The following TRPM7 variants were observed in gnomAD, a reference collection of about 807,000 sequenced individuals.
TRPM7 encodes LTRPC ion channel family member 7.
A neutral mutation model predicts 229.7 loss-of-function variants in TRPM7; 134 were observed. The ratio of observed to expected loss-of-function variants is 0.58; its 90% CI spans 0.51 to 0.67. The LOEUF (loss-of-function observed/expected upper bound fraction) is 0.67. TRPM7 is among the 30% of genes least tolerant of loss of function. TRPM7 has a pLI of 0.00. For missense variants in TRPM7, 1,901 were observed against 2,210.0 expected, an observed-to-expected ratio of 0.86 and a Z score of 2.80; for synonymous variants, 699 against 715.2, an observed-to-expected ratio of 0.98 and a Z score of 0.36.
At position 50,635,255 on chromosome 15, in the gene TRPM7, T is replaced by C. The variant is rs148687414; in HGVS notation, c.833-699A>G. On this transcript the variant is annotated intron_variant, in intron 7 of 38. Coordinates refer to ENST00000646667, the MANE Select transcript of TRPM7 (RefSeq NM_017672.6). ...ATCACCTGAACCCAGGAGGCAGAGGTTGCAGTGAGCCAAGATCATGCCACT... is the reference window on the plus strand; with the variant it reads ...ATCACCTGAACCCAGGAGGCAGAGGCTGCAGTGAGCCAAGATCATGCCACT... 3.0e-3 allele frequency among the ~76,000 whole-genome samples: 403 copies of C among 135,208 alleles called. 2 individuals carry two copies. The highest frequency in any genetic ancestry group is 0.011 in the African/African-American group (390 of 35,380). 88.7% of individuals were successfully genotyped at this position (135,208 alleles called of 152,430 possible).
chr15:50,559,769 G>C lies in TRPM7; in HGVS notation c.*1909C>G, dbSNP rs1410660493. 1 of 151,918 alleles carries C rather than the reference G, an allele frequency of 6.6e-6. No homozygotes were observed. The highest frequency in any genetic ancestry group is 2.4e-5 in the African/African-American group (1 of 41,366). The allele number at this position is 151,918 out of a possible 1,614,324, so 9.4% of individuals were successfully genotyped here. A position where few individuals can be genotyped will look rare whatever the true frequency, so the allele number is the denominator to read the frequency against. ...CTGGTACACAGTAGGCACTAAATAA[G>C]TGTTAGCAGCCAGGTGCGGTGGCTC... is the stretch of plus-strand genomic sequence containing the variant. On this transcript the variant is annotated 3_prime_UTR_variant, in exon 39 of 39. Transcript: ENST00000646667.
Position 50,609,734 on chromosome 15 carries a change from A to T in TRPM7, c.2437-10T>A, listed in dbSNP as rs1390595805. The T allele has an allele frequency of 6.0e-6, 5 of 836,444 alleles. No homozygotes were observed. The highest frequency in any genetic ancestry group is 4.0e-5 in the African/African-American group (1 of 24,776). 51.8% of individuals were successfully genotyped at this position (836,444 alleles called of 1,614,324 possible). A position where few individuals can be genotyped will look rare whatever the true frequency, so the allele number is the denominator to read the frequency against. ...CTTCTTTAAACACTTCCTAAAATTA[A>T]AAAAAAAAAAATTCTTTTGTACAAT... On this transcript the variant is annotated splice_polypyrimidine_tract_variant and intron_variant, in intron 18 of 38. Transcript: ENST00000646667.
chr15:50,681,791 G>A (rs1190110598), intron 1 of TRPM7, among the ~76,000 whole-genome samples: 2 of 152,182 alleles, frequency 1.3e-5, no homozygotes, highest in Non-Finnish European at 2.9e-5. Flanking sequence ...AGTAAGAGGG[G>A]TAAACAGTGT....
chr15:50,634,528 T>C lies in TRPM7; in HGVS notation c.861A>G (p.Ala287=). The C allele has an allele frequency of 6.6e-7, 1 of 1,519,448 alleles. No individual in the cohort carries two copies. The highest frequency in any genetic ancestry group is 8.8e-7 in the Non-Finnish European group (1 of 1,137,854). 94.1% of individuals were successfully genotyped at this position (1,519,448 alleles called of 1,614,324 possible). The change falls in exon 8 of 39, where the codon GCA becomes GCG. Residue 287 remains alanine (A), a synonymous_variant. Coordinates refer to ENST00000646667, the MANE Select transcript of TRPM7 (RefSeq NM_017672.6). ...CATTTGGCCCACCCTCAAATATAAGTGCCACCACAGGGACACCCTGGCCAA... is the reference window on the plus strand; with the variant it reads ...CATTTGGCCCACCCTCAAATATAAGCGCCACCACAGGGACACCCTGGCCAA... The part of the protein sequence containing the change: ...ARIGQGVPVV[A]LIFEGGPNVI...
At chr15:50,566,113 C>G (rs767370005) in intron 38 of TRPM7, among the ~76,000 whole-genome samples, 1 of 152,020 alleles carries the variant, frequency 6.6e-6, no homozygotes, top group Non-Finnish European at 1.5e-5. Context: ...GTGTGAGCCA[C>G]TGAACCCAGC....
At chr15:50,562,759 T>A (rs199659654) in intron 38 of TRPM7, among the ~76,000 whole-genome samples, 2 of 144,038 alleles carry the variant, frequency 1.4e-5, no homozygotes, top group Admixed American at 7.1e-5. Flanking sequence ...GGCGACAGAG[T>A]GAGATCCTGT....
At chr15:50,657,141 T>C (rs1052385090) in intron 3 of TRPM7, among the ~76,000 whole-genome samples, 1 of 152,072 alleles carries the variant, frequency 6.6e-6, no homozygotes, top group Admixed American at 6.5e-5. Context: ...CTGGCCAACA[T>C]GGTGAAACCC....
chr15:50,600,038 G>A (rs1167061415), intron 21 of TRPM7, among the ~76,000 whole-genome samples: 4 of 152,126 alleles, frequency 2.6e-5, no homozygotes, highest in African/African-American at 9.7e-5. Context: ...AGGATTCAAA[G>A]AATTAAGCAG....
intron 27 of TRPM7, among the ~76,000 whole-genome samples, chr15:50,588,647 A>G (rs1462814997): frequency 6.6e-6 from 1 of 152,150 alleles, no homozygotes; most frequent in Non-Finnish European, 1.5e-5. Flanking sequence ...GTCACTTAAC[A>G]TTTCTATAAT....
rs2140998983 is a variant in TRPM7, at chr15:50,686,631, C to T, written c.-98G>A. The T allele has an allele frequency of 1.3e-6, 2 of 1,527,772 alleles. No homozygotes were observed. The highest frequency in any genetic ancestry group is 1.4e-5 in the African/African-American group (1 of 71,378). The allele number at this position is 1,527,772 out of a possible 1,614,324, so 94.6% of individuals were successfully genotyped here. A position where few individuals can be genotyped will look rare whatever the true frequency, so the allele number is the denominator to read the frequency against. ...CGGGAAGCGTCTCCGGAGGCGGCAGCAGAGGCCGCCGGACAAGGAACGCCC... is the reference window on the plus strand; with the variant it reads ...CGGGAAGCGTCTCCGGAGGCGGCAGTAGAGGCCGCCGGACAAGGAACGCCC... On this transcript the variant is annotated 5_prime_UTR_variant, in exon 1 of 39. Transcript: ENST00000646667.
At chr15:50,667,767 A>G (rs1306498046) in intron 1 of TRPM7, among the ~76,000 whole-genome samples, 2 of 152,202 alleles carry the variant, frequency 1.3e-5, no homozygotes, top group African/African-American at 4.8e-5. Flanking sequence ...ATTTGTCTAT[A>G]AGGTTTTATT....
In TRPM7 at chr15:50,591,931, G is replaced by C; in HGVS notation, c.4304C>G (p.Thr1435Arg). 1.9e-6 allele frequency: 3 copies of C among 1,574,924 alleles called. No individual in the cohort carries two copies. The highest frequency in any genetic ancestry group is 2.6e-6 in the Non-Finnish European group (3 of 1,167,094). The change falls in exon 26 of 39, where the codon ACA (threonine) becomes AGA (arginine). Residue 1435 changes from threonine to arginine, a missense_variant. Thr to Arg is a moderately conservative substitution (Grantham distance 71). Transcript: ENST00000646667. ...CTTACCTACAAATGCTCCAAATTCT[G>C]TATTATCTCCTTCTGTAGCTTTAGA... Reference protein sequence around the residue: ...VCSKATEGDNTEFGAFVGHRD... With the variant: ...VCSKATEGDNREFGAFVGHRD...
At chr15:50,626,812 T>A (rs181973832) in intron 11 of TRPM7, among the ~76,000 whole-genome samples, 1 of 143,310 alleles carries the variant, frequency 7.0e-6, no homozygotes, top group African/African-American at 2.7e-5. Flanking sequence ...AAAAAAAAAA[T>A]CAAACACTAC....
intron 19 of TRPM7, among the ~76,000 whole-genome samples, chr15:50,608,477 A>G (rs2059979209): frequency 6.6e-6 from 1 of 151,010 alleles, no homozygotes; most frequent in South Asian, 2.1e-4. Context: ...GAAAAGAGAA[A>G]TTCCTGTAGT....
chr15:50,617,515 A>T (rs1047743050), intron 13 of TRPM7, among the ~76,000 whole-genome samples: 14 of 152,020 alleles, frequency 9.2e-5, no homozygotes, highest in Non-Finnish European at 1.9e-4. Context: ...AAAAAAAAAA[A>T]TTTTAAGTAT....
Position 50,611,179 on chromosome 15 carries a change from G to A in TRPM7, c.2194C>T (p.Pro732Ser). The change falls in exon 17 of 39, where the codon CCT (proline) becomes TCT (serine). Residue 732 changes from proline to serine, a missense_variant. Pro to Ser is a moderately conservative substitution (Grantham distance 74). Around this residue, in one of 8 missense-constraint regions of TRPM7, gnomAD observed 794 missense variants for 881.9 expected, o/e 0.90. Coordinates refer to ENST00000646667, the MANE Select transcript of TRPM7 (RefSeq NM_017672.6). ...LKLAVSSRLR[P>S]FVAHTCTQML... is the part of the protein sequence containing the mutation. ...TGTGTACAGGTGTGAGCTACAAAAG[G>A]TCTAAGTCTTGAAGAAACTGCTAAC... is the stretch of plus-strand genomic sequence containing the variant. 10 of 1,613,870 alleles carry A rather than the reference G, an allele frequency of 6.2e-6. No homozygotes were observed. The highest frequency in any genetic ancestry group is 5.9e-6 in the Non-Finnish European group (7 of 1,179,922).
chr15:50,592,911 C>T (rs888719806), intron 25 of TRPM7, among the ~76,000 whole-genome samples: 11 of 152,156 alleles, frequency 7.2e-5, no homozygotes, highest in African/African-American at 2.7e-4. Context: ...GTATATACAG[C>T]TACATATATA....
intron 38 of TRPM7, among the ~76,000 whole-genome samples, chr15:50,567,317 C>G (rs1421792645): frequency 6.6e-6 from 1 of 152,096 alleles, no homozygotes; most frequent in East Asian, 1.9e-4. Flanking sequence ...CCCAATGCTA[C>G]CCCTGTCCCC....
intron 38 of TRPM7, among the ~76,000 whole-genome samples, chr15:50,562,973 G>T (rs1454040511): frequency 2.0e-5 from 3 of 152,174 alleles, no homozygotes; most frequent in Non-Finnish European, 4.4e-5. Flanking sequence ...AGGGTTAACT[G>T]CAAAGACTGT....
Sources: gnomAD v4.1 joint callset for allele counts (sites outside exome capture counted in the v4.1 genomes callset) on GRCh38, gnomAD v4.1.1 for gene constraint, gnomAD v4.1.1 regional missense constraint, MANE v1.5 for transcripts, NCBI Gene and HGNC (gene_info 2026-07-23, HGNC 2026-07-21) for gene names.